SLC35F3: variants seen among roughly 807,000 people sequenced by gnomAD.
The protein encoded by SLC35F3 is putative thiamine transporter SLC35F3.
Under a neutral mutation model 49.9 loss-of-function variants are expected in SLC35F3, and 25 were observed. The observed-to-expected ratio is 0.50, with a 90% CI of 0.37 to 0.70. The LOEUF is 0.70. Among genes scored for constraint, SLC35F3 ranks in the 30% least tolerant of loss-of-function variants. The probability of loss-of-function intolerance (pLI) is 0.00; values close to 1 mark genes in which losing one functional copy is unlikely to be tolerated. For missense variants in SLC35F3, 525 were observed against 639.8 expected, an observed-to-expected ratio of 0.82 and a Z score of 1.94; for synonymous variants, 275 against 265.4, an observed-to-expected ratio of 1.04 and a Z score of -0.35.
intron 3 of SLC35F3, among the ~76,000 whole-genome samples, chr1:234,240,015 T>C (rs1426814365): frequency 1.3e-5 from 2 of 152,230 alleles, no homozygotes; most frequent in Non-Finnish European, 2.9e-5. Context: ...AGTTCTAAAC[T>C]GTTCTTGGTC....
chr1:233,992,233 C>A (rs1000175207), intron 2 of SLC35F3, among the ~76,000 whole-genome samples: 10 of 152,150 alleles, frequency 6.6e-5, no homozygotes, highest in Admixed American at 2.0e-4. Context: ...TAAATAAATA[C>A]AATAAGTGAA....
intron 3 of SLC35F3, among the ~76,000 whole-genome samples, chr1:234,306,270 C>G (rs1266289913): frequency 1.8e-4 from 27 of 152,174 alleles, no homozygotes; most frequent in Admixed American, 1.8e-3. Flanking sequence ...AAGTGATTCT[C>G]CTGCCTCAGG....
intron 2 of SLC35F3, among the ~76,000 whole-genome samples, chr1:234,053,993 G>A (rs539108265): frequency 6.6e-6 from 1 of 152,326 alleles, no homozygotes; most frequent in African/African-American, 2.4e-5. Flanking sequence ...GGCTTGTAGA[G>A]TTTCTGCTGA....
In SLC35F3 at chr1:234,000,174, CAA is replaced by C. The variant is rs535514352; in HGVS notation, c.283+94418_283+94419del. Among the ~76,000 whole-genome samples the C allele has an allele frequency of 2.2e-4, 33 of 152,200 alleles. No homozygotes were observed. In the South Asian group the frequency reaches 6.0e-3, roughly 28 times the overall value. On this transcript the variant is annotated intron_variant, in intron 2 of 7. Coordinates refer to ENST00000366618, the MANE Select transcript of SLC35F3 (RefSeq NM_173508.4). ...TAACTAAGCAAAGAATTAATATACGCAAAGAGTAGAAAACATGGGCTGCGTTC... is the reference window on the plus strand; with the variant it reads ...TAACTAAGCAAAGAATTAATATACGCAGAGTAGAAAACATGGGCTGCGTTC...
At chr1:234,310,576 G>A (rs780535008) in intron 4 of SLC35F3, among the ~76,000 whole-genome samples, 20 of 152,168 alleles carry the variant, frequency 1.3e-4, no homozygotes, top group Non-Finnish European at 2.5e-4. Context: ...TTCTCACAGT[G>A]AGCCACCCAG....
At chr1:234,309,591 C>T (rs1657298103) in intron 4 of SLC35F3, among the ~76,000 whole-genome samples, 1 of 152,358 alleles carries the variant, frequency 6.6e-6, no homozygotes, top group South Asian at 2.1e-4. Flanking sequence ...GTGTGCCAGT[C>T]GGGGACCCAG....
intron 2 of SLC35F3, among the ~76,000 whole-genome samples, chr1:234,019,632 G>A (rs926851784): frequency 2.6e-5 from 4 of 152,124 alleles, no homozygotes; most frequent in African/African-American, 9.7e-5. Flanking sequence ...AACATCCACA[G>A]ATTTAAGTTT....
intron 2 of SLC35F3, among the ~76,000 whole-genome samples, chr1:234,178,395 G>A (rs1666507040): frequency 6.7e-6 from 1 of 148,594 alleles, no homozygotes; most frequent in South Asian, 2.1e-4. Context: ...CATTTATATT[G>A]TTTCTCTCAT....
rs543155119 is a variant in SLC35F3 at position 234,262,270 on chromosome 1, G to A, written c.608+30529G>A. Among the ~76,000 whole-genome samples the A allele has an allele frequency of 3.9e-5, 6 of 152,358 alleles. No homozygotes were observed. In the South Asian group the frequency reaches 1.2e-3, roughly 32 times the overall value. On this transcript the variant is annotated intron_variant, in intron 3 of 7. Coordinates refer to ENST00000366618, the MANE Select transcript of SLC35F3 (RefSeq NM_173508.4). ...ACTAGCAGGGGGAGAGCCCTGCTGT[G>A]GCACTGACTTGCTTGCTGTGCATTT...
intron 5 of SLC35F3, 112 bp downstream of exon 5, chr1:234,316,839 T>G: frequency 7.4e-7 from 1 of 1,346,068 alleles, no homozygotes; most frequent in Non-Finnish European, 1.0e-6. Context: ...TACCTGTGCT[T>G]CAGGACAGGC....
At chr1:234,164,858 A>C (rs1666290153) in intron 2 of SLC35F3, among the ~76,000 whole-genome samples, 1 of 149,098 alleles carries the variant, frequency 6.7e-6, no homozygotes, top group Non-Finnish European at 1.5e-5. Context: ...GGGGGTTGGC[A>C]CAGAGACATT....
intron 2 of SLC35F3, among the ~76,000 whole-genome samples, chr1:234,172,781 T>A (rs760278399): frequency 6.6e-6 from 1 of 152,144 alleles, no homozygotes; most frequent in Non-Finnish European, 1.5e-5. Flanking sequence ...TCTAAACATA[T>A]CTAAATGTAG....
chr1:234,185,421 G>A (rs887425047), intron 2 of SLC35F3, among the ~76,000 whole-genome samples: 1 of 152,226 alleles, frequency 6.6e-6, no homozygotes, highest in African/African-American at 2.4e-5. Context: ...AATGTTCTAG[G>A]AGACTAGCAA....
At chr1:234,179,398 G>T (rs1005706152) in intron 2 of SLC35F3, among the ~76,000 whole-genome samples, 1 of 152,046 alleles carries the variant, frequency 6.6e-6, no homozygotes, top group Non-Finnish European at 1.5e-5. Flanking sequence ...ACTAATACCC[G>T]GCTCTAAAAA....
intron 2 of SLC35F3, among the ~76,000 whole-genome samples, chr1:234,133,646 A>C (rs529169958): frequency 2.0e-5 from 3 of 152,258 alleles, no homozygotes; most frequent in Admixed American, 1.3e-4. Context: ...AAAGCAAAGC[A>C]TGCAGTGAAC....
chr1:234,012,072 A>G (rs1051401999), intron 2 of SLC35F3, among the ~76,000 whole-genome samples: 1 of 152,248 alleles, frequency 6.6e-6, no homozygotes, highest in African/African-American at 2.4e-5. Flanking sequence ...GCAAGAAAAC[A>G]TGTGAGCAAA....
chr1:234,113,328 T>C (rs539907571), intron 2 of SLC35F3, among the ~76,000 whole-genome samples: 32 of 152,152 alleles, frequency 2.1e-4, no homozygotes, highest in Non-Finnish European at 4.3e-4. Context: ...TTGTTTTTTG[T>C]TTGCATTCCA....
intron 2 of SLC35F3, among the ~76,000 whole-genome samples, chr1:234,019,348 T>G (rs561118501): frequency 1.3e-4 from 19 of 149,690 alleles, no homozygotes; most frequent in South Asian, 6.3e-4. Flanking sequence ...TGTATGTGCA[T>G]GTATATGTGT....
chr1:233,999,451 TG>T (rs757817224), intron 2 of SLC35F3, among the ~76,000 whole-genome samples: 45 of 152,316 alleles, frequency 3.0e-4, no homozygotes, highest in Middle Eastern at 3.4e-3. Flanking sequence ...CCTTATTTCC[TG>T]GAAGCCAAAG....
Sources: allele counts gnomAD v4.1 joint callset (sites outside exome capture counted in the v4.1 genomes callset), GRCh38; gene constraint gnomAD v4.1.1; transcripts MANE v1.5; gene names NCBI Gene and HGNC (gene_info 2026-07-23, HGNC 2026-07-21).